The following FKBP15 variants were observed in gnomAD, a reference collection of about 807,000 sequenced individuals.
The protein encoded by FKBP15 is FK506-binding protein 15.
A neutral mutation model predicts 158.1 loss-of-function variants in FKBP15; 106 were observed. The ratio of observed to expected loss-of-function variants is 0.67; its 90% CI spans 0.57 to 0.79. The LOEUF (loss-of-function observed/expected upper bound fraction) is 0.79, where lower values mean the gene tolerates loss of function less well. Ranked by LOEUF, FKBP15 falls within the 30% of genes least tolerant of loss-of-function variation. The pLI, the probability that FKBP15 is intolerant of heterozygous loss-of-function variation, is 0.00. For synonymous variants in FKBP15, 547 were observed against 548.6 expected (o/e 1.00, Z 0.04); for missense variants, 1,287 against 1,479.1 (o/e 0.87, Z 2.13).
intron 4 of FKBP15, 31 bp from the exon 5 acceptor site, chr9:113,203,066 A>T (rs757781755): frequency 6.8e-7 from 1 of 1,463,516 alleles, no homozygotes; most frequent in East Asian, 2.3e-5. Context: ...ATAGAAAAAA[A>T]AAAAGAGAGA....
intron 10 of FKBP15, 135 bp from the exon 11 acceptor site, chr9:113,193,684 T>C: frequency 1.4e-6 from 1 of 737,366 alleles, no homozygotes; most frequent in South Asian, 1.7e-5. Context: ...TTAACTCTTC[T>C]TTAGTTTGCA....
chr9:113,163,048 C>A lies in FKBP15; in HGVS notation c.*3030G>T. On this transcript the variant is annotated 3_prime_UTR_variant, in exon 28 of 28. Transcript: ENST00000238256. ...ATTCCCAGCCCCTGGAAACTTTGAG[C>A]TGAAGCCAGCACTTGCTCCCTGGAG... 1 of 884,038 alleles carries A rather than the reference C, an allele frequency of 1.1e-6. No individual in the cohort carries two copies. Among genetic ancestry groups the A allele is most frequent in the Non-Finnish European group, 1.6e-6 (1 of 615,684 alleles). The allele number at this position is 884,038 out of a possible 1,614,324, so 54.8% of individuals were successfully genotyped here.
chr9:113,199,759 A>G, intron 7 of FKBP15, 55 bp downstream of exon 7: 2 of 1,541,586 alleles, frequency 1.3e-6, no homozygotes, highest in South Asian at 2.4e-5. Flanking sequence ...TTCCCTGGGA[A>G]TAGCCCTCAT....
Position 113,164,672 on chromosome 9 carries a change from C to T in FKBP15, c.*1406G>A, listed in dbSNP as rs1172046644. ...CTTCCCCCAACCAGTGACAGTCAGG[C>T]TGTGCTGGCCAAGAGCCCAGGCTCT... On this transcript the variant is annotated 3_prime_UTR_variant, in exon 28 of 28. Coordinates refer to ENST00000238256, the MANE Select transcript of FKBP15 (RefSeq NM_015258.2). 6.6e-6 allele frequency: 1 copy of T among 152,220 alleles called. No individual in the cohort carries two copies. Among genetic ancestry groups the T allele is most frequent in the African/African-American group, 2.4e-5 (1 of 41,468 alleles). 9.4% of individuals were successfully genotyped at this position (152,220 alleles called of 1,614,324 possible).
intron 1 of FKBP15, among the ~76,000 whole-genome samples, chr9:113,219,968 T>TAGTCAGTGTA (rs1831217735): frequency 1.3e-5 from 2 of 152,086 alleles, no homozygotes; most frequent in African/African-American, 2.4e-5. Context: ...AAAAGGTAGG[T>TAGTCAGTGTA]AATATAGAGC....
At chr9:113,178,219 G>A (rs1830331699) in intron 20 of FKBP15, among the ~76,000 whole-genome samples, 1 of 152,168 alleles carries the variant, frequency 6.6e-6, no homozygotes, top group African/African-American at 2.4e-5. Flanking sequence ...GACAAGCCAA[G>A]CAGGATGGGC....
intron 3 of FKBP15, 92 bp from the exon 4 acceptor site, chr9:113,206,670 G>T: frequency 4.7e-6 from 3 of 644,876 alleles, no homozygotes; most frequent in Non-Finnish European, 5.0e-6. Context: ...GGGAACAACA[G>T]TCATTCAGCC....
At chr9:113,200,561 T>C (rs1248280166) in intron 6 of FKBP15, among the ~76,000 whole-genome samples, 1 of 152,158 alleles carries the variant, frequency 6.6e-6, no homozygotes, top group East Asian at 1.9e-4. Flanking sequence ...GTCAGGGGCA[T>C]CTTTGTGAAT....
chr9:113,192,925 T>C (rs1248372700), intron 11 of FKBP15, among the ~76,000 whole-genome samples: 1 of 152,210 alleles, frequency 6.6e-6, no homozygotes, highest in Non-Finnish European at 1.5e-5. Context: ...GCACTTTAAC[T>C]GAGAGAGGCT....
At chr9:113,179,826 T>G (rs1183491508) in intron 19 of FKBP15, among the ~76,000 whole-genome samples, 2 of 152,204 alleles carry the variant, frequency 1.3e-5, no homozygotes, top group African/African-American at 4.8e-5. Context: ...AATGAGTATC[T>G]GAGAGTATAT....
chr9:113,193,560 A>T lies in FKBP15; in HGVS notation c.1008-11T>A. The T allele has an allele frequency of 6.3e-7, 1 of 1,592,056 alleles. No homozygotes were observed. Among genetic ancestry groups the T allele is most frequent in the African/African-American group, 1.3e-5 (1 of 74,778 alleles). On this transcript the variant is annotated splice_polypyrimidine_tract_variant and intron_variant, in intron 10 of 27. Transcript: ENST00000238256. ...CGAAGAGCTGGCTCCCTGAAAGCAA[A>T]TAGACCATATTCCAAGATTGAAAAC...
Position 113,165,938 on chromosome 9 carries a change from C to G in FKBP15, c.*140G>C. ...GGGTGGGGCTCAGAAGGTGGCCAACCCACCCTCTGAGCCCAAATATTGTTC... is the reference window on the plus strand; with the variant it reads ...GGGTGGGGCTCAGAAGGTGGCCAACGCACCCTCTGAGCCCAAATATTGTTC... On this transcript the variant is annotated 3_prime_UTR_variant, in exon 28 of 28. Coordinates refer to ENST00000238256, the MANE Select transcript of FKBP15 (RefSeq NM_015258.2). 2 of 705,478 alleles carry G rather than the reference C, an allele frequency of 2.8e-6. No individual in the cohort carries two copies. The highest frequency in any genetic ancestry group is 1.9e-5 in the South Asian group (1 of 52,120). The allele number at this position is 705,478 out of a possible 1,614,324, so 43.7% of individuals were successfully genotyped here.
At chr9:113,204,199 T>C (rs1488215436) in intron 4 of FKBP15, among the ~76,000 whole-genome samples, 1 of 152,196 alleles carries the variant, frequency 6.6e-6, no homozygotes, top group Non-Finnish European at 1.5e-5. Context: ...TGCCCCAGCC[T>C]CCCAAGTAGC....
intron 24 of FKBP15, among the ~76,000 whole-genome samples, chr9:113,171,099 G>A (rs192541652): frequency 6.6e-6 from 1 of 152,324 alleles, no homozygotes; most frequent in Non-Finnish European, 1.5e-5. Context: ...GTATTTGTTT[G>A]TTTTCCCACT....
intron 1 of FKBP15, 69 bp downstream of exon 1, chr9:113,221,122 G>A (rs997112506): frequency 1.2e-5 from 18 of 1,489,874 alleles, no homozygotes; most frequent in Non-Finnish European, 1.6e-5. Context: ...AGAAGAGATC[G>A]ACCCCCCTCC....
chr9:113,206,866 G>A (rs148787080), intron 3 of FKBP15: 13 of 439,032 alleles, frequency 3.0e-5, no homozygotes, highest in Admixed American at 7.8e-5. Context: ...ACAGGAGTGC[G>A]CCACCGCACC....
At position 113,163,093 on chromosome 9, in the gene FKBP15, A is replaced by C; in HGVS notation, c.*2985T>G. The C allele has an allele frequency of 1.8e-6, 1 of 557,664 alleles. No individual in the cohort carries two copies. The highest frequency in any genetic ancestry group is 3.0e-6 in the Non-Finnish European group (1 of 329,304). 34.5% of individuals were successfully genotyped at this position (557,664 alleles called of 1,614,324 possible). A position where few individuals can be genotyped will look rare whatever the true frequency, so the allele number is the denominator to read the frequency against. The stretch of plus-strand genomic sequence containing the variant: ...CTGGAGTTCGGAAGCCATTGCAGCA[A>C]CCTTCCTTCTCAGCCAGCCTACGTA... On this transcript the variant is annotated 3_prime_UTR_variant, in exon 28 of 28. Transcript: ENST00000238256.
In FKBP15 at chr9:113,162,115, C is replaced by T; in HGVS notation, c.*3963G>A. ...AGGATGACAAGCTCTCCTCTCCTCC[C>T]TTCCCACTCGAATCAGGCAACCATT... On this transcript the variant is annotated 3_prime_UTR_variant, in exon 28 of 28. Coordinates refer to ENST00000238256, the MANE Select transcript of FKBP15 (RefSeq NM_015258.2). 1 of 334,600 alleles carries T rather than the reference C, an allele frequency of 3.0e-6. No individual in the cohort carries two copies. 20.7% of individuals were successfully genotyped at this position (334,600 alleles called of 1,614,324 possible). A position where few individuals can be genotyped will look rare whatever the true frequency, so the allele number is the denominator to read the frequency against.
Position 113,186,195 on chromosome 9 carries a change from G to A in FKBP15, c.1498+54C>T, listed in dbSNP as rs564053422. Reference sequence around the variant, plus strand: ...TGTGAAAATGAAGGAGGAGCAAGAAGAGGGAAAGCACAGCAAGAGCGGAAG... The same window carrying A: ...TGTGAAAATGAAGGAGGAGCAAGAAAAGGGAAAGCACAGCAAGAGCGGAAG... On this transcript the variant is annotated intron_variant, in intron 15 of 27. Transcript: ENST00000238256. 32 of 1,274,408 alleles carry A rather than the reference G, an allele frequency of 2.5e-5. 1 individual carries two copies. In the African/African-American group the frequency reaches 3.4e-4, roughly 14 times the overall value. The allele number at this position is 1,274,408 out of a possible 1,614,324, so 78.9% of individuals were successfully genotyped here.
Sources: allele counts gnomAD v4.1 joint callset (sites outside exome capture counted in the v4.1 genomes callset), GRCh38; gene constraint gnomAD v4.1.1; transcripts MANE v1.5; gene names NCBI Gene and HGNC (gene_info 2026-07-23, HGNC 2026-07-21).